Variants in C11orf65 observed in about 807,000 individuals in gnomAD.
The protein encoded by C11orf65 is protein MFI.
Under a neutral mutation model 35.3 loss-of-function variants are expected in C11orf65, and 38 were observed. The observed-to-expected ratio is 1.08, with a 90% CI of 0.83 to 1.41. The LOEUF (loss-of-function observed/expected upper bound fraction) is 1.41, where lower values mean the gene tolerates loss of function less well. C11orf65 is among the 40% of genes most tolerant of loss of function. C11orf65 has a pLI of 0.00. For synonymous variants in C11orf65, 105 were observed against 114.4 expected, an observed-to-expected ratio of 0.92 and a Z score of 0.53; for missense variants, 370 against 367.1, an observed-to-expected ratio of 1.01 and a Z score of -0.06.
At chr11:108,448,001 C>A (rs529943013) in intron 2 of C11orf65, among the ~76,000 whole-genome samples, 2,894 of 152,050 alleles carry the variant, frequency 0.019, 89 homozygotes, top group African/African-American at 0.065. Context: ...GAATACTACA[C>A]AGACCTCTAT....
At position 108,412,895 on chromosome 11, in the gene C11orf65, TAAC is replaced by T. The variant is rs2092681861; in HGVS notation, c.175-5749_175-5747del. Among the ~76,000 whole-genome samples the T allele has an allele frequency of 5.3e-5, 8 of 152,232 alleles. No individual in the cohort carries two copies. In the South Asian group the frequency reaches 1.7e-3, roughly 32 times the overall value. ...ATTACATGATGATAATGTATGTACT[TAAC>T]AACAAAGCAGCAAAATATGTGAAGC... On this transcript the variant is annotated intron_variant, in intron 3 of 8. Transcript: ENST00000393084.
At chr11:108,380,633 A>G (rs566955114), downstream of C11orf65, among the ~76,000 whole-genome samples, 21 of 152,348 alleles carry the variant, frequency 1.4e-4, no homozygotes, top group Non-Finnish European at 2.5e-4. Context: ...GATGGAAGCC[A>G]AGCGCCCAAA....
intron 2 of C11orf65, among the ~76,000 whole-genome samples, chr11:108,455,020 C>T (rs1167302364): frequency 6.6e-6 from 1 of 152,050 alleles, no homozygotes; most frequent in Non-Finnish European, 1.5e-5. Context: ...TATGAAATTC[C>T]CCTTTAGAAT....
intron 7 of C11orf65, among the ~76,000 whole-genome samples, chr11:108,388,897 G>A (rs1485052072): frequency 6.6e-6 from 1 of 152,234 alleles, no homozygotes; most frequent in Admixed American, 6.5e-5. Flanking sequence ...GTCCACTAGT[G>A]AAACTGGCTC....
At chr11:108,324,475 G>A (rs940564890) in intron 6 of C11orf65, among the ~76,000 whole-genome samples, 2 of 152,024 alleles carry the variant, frequency 1.3e-5, no homozygotes, top group African/African-American at 2.4e-5. Flanking sequence ...ATGGTCCAAC[G>A]ATCGAAAGTT....
intron 6 of C11orf65, among the ~76,000 whole-genome samples, chr11:108,310,694 T>TCTAAA (rs1454838274): frequency 2.0e-5 from 3 of 152,178 alleles, no homozygotes; most frequent in Non-Finnish European, 4.4e-5. Flanking sequence ...ACCACTAATT[T>TCTAAA]CTAAACTATT....
At chr11:108,423,550 C>G (rs141367658) in intron 3 of C11orf65, among the ~76,000 whole-genome samples, 1 of 152,138 alleles carries the variant, frequency 6.6e-6, no homozygotes, top group African/African-American at 2.4e-5. Flanking sequence ...GCACAGTGCT[C>G]GAGCTCTGCT....
chr11:108,328,917 T>C, downstream of C11orf65: 4 of 1,214,606 alleles, frequency 3.3e-6, no homozygotes, highest in Non-Finnish European at 4.7e-6. Context: ...CTAGCTTTTA[T>C]ATGTATATAA....
At chr11:108,460,232 T>A (rs759315778) in intron 2 of C11orf65, among the ~76,000 whole-genome samples, 2 of 152,184 alleles carry the variant, frequency 1.3e-5, no homozygotes, top group African/African-American at 2.4e-5. Context: ...ACAAAGGTGG[T>A]CTTGTAAGCC....
downstream of C11orf65, chr11:108,382,637 A>G (rs1204933969): frequency 3.6e-6 from 1 of 276,262 alleles, no homozygotes; most frequent in Non-Finnish European, 5.5e-6. Context: ...AACGTGGGAG[A>G]GGGGATTTAA....
chr11:108,430,723 T>C (rs2092975122), intron 3 of C11orf65, among the ~76,000 whole-genome samples: 1 of 152,000 alleles, frequency 6.6e-6, no homozygotes. Context: ...CATGCGCCTA[T>C]AGTCCCAGTT....
At position 108,343,491 on chromosome 11, in the gene C11orf65, A is replaced by T. The variant is rs1344899789; in HGVS notation, c.227-8199T>A. The T allele has an allele frequency of 2.4e-6, 3 of 1,227,098 alleles. No individual in the cohort carries two copies. In the African/African-American group the frequency reaches 4.6e-5, roughly 19 times the overall value. 76.0% of individuals were successfully genotyped at this position (1,227,098 alleles called of 1,614,324 possible). ...TAATTTCATCAGGTAATTGTCAAAGATACTAAGTAAAAGAAAAACTCATCA... is the reference window on the plus strand; with the variant it reads ...TAATTTCATCAGGTAATTGTCAAAGTTACTAAGTAAAAGAAAAACTCATCA... On this transcript the variant is annotated intron_variant, in intron 2 of 3. Transcript: ENST00000524755.
In C11orf65 at chr11:108,317,652, T is replaced by TACACACACAC. The variant is rs1181493043; in HGVS notation, c.641-8591_641-8582dup. On this transcript the variant is annotated intron_variant, in intron 6 of 6. Transcript: ENST00000525729. ...ATATATATATATATATATATATATA[T>TACACACACAC]ACACACACACACACACACACACTAT... 4.6e-4 allele frequency: 55 copies of TACACACACAC among 118,344 alleles called. 1 individual carries two copies. Among genetic ancestry groups the TACACACACAC allele is most frequent in the African/African-American group, 2.6e-3 (52 of 19,782 alleles). 7.3% of individuals were successfully genotyped at this position (118,344 alleles called of 1,614,324 possible).
chr11:108,319,277 C>T (rs1220041973), intron 6 of C11orf65, among the ~76,000 whole-genome samples: 1 of 152,126 alleles, frequency 6.6e-6, no homozygotes, highest in Non-Finnish European at 1.5e-5. Context: ...TTTTCCTGTG[C>T]GAGTTGATTC....
At chr11:108,429,442 T>C (rs1421101480) in intron 3 of C11orf65, among the ~76,000 whole-genome samples, 1 of 152,100 alleles carries the variant, frequency 6.6e-6, no homozygotes, top group South Asian at 2.1e-4. Flanking sequence ...AAAGACTCCA[T>C]TAAGAGAGTG....
At chr11:108,457,516 C>T (rs1043539087) in intron 2 of C11orf65, among the ~76,000 whole-genome samples, 5 of 151,922 alleles carry the variant, frequency 3.3e-5, no homozygotes, top group Non-Finnish European at 7.4e-5. Context: ...TGGTAGTGGG[C>T]GCCTGTAATC....
At chr11:108,336,590 CTT>C (rs1238378881) in intron 2 of C11orf65, among the ~76,000 whole-genome samples, 1 of 152,024 alleles carries the variant, frequency 6.6e-6, no homozygotes, top group African/African-American at 2.4e-5. Context: ...TGTTTTCAGT[CTT>C]TTGCTGCTAC....
chr11:108,442,566 A>C (rs2093173383), intron 2 of C11orf65, among the ~76,000 whole-genome samples: 1 of 152,238 alleles, frequency 6.6e-6, no homozygotes, highest in East Asian at 1.9e-4. Context: ...TATTAAGGGC[A>C]GCCAGAGAGA....
intron 1 of C11orf65, among the ~76,000 whole-genome samples, chr11:108,463,641 T>A (rs1343897634): frequency 2.6e-5 from 4 of 152,146 alleles, no homozygotes; most frequent in Admixed American, 6.6e-5. Context: ...AAGTTACTCA[T>A]CTGTAAAATA....
Sources: allele counts gnomAD v4.1 joint callset (sites outside exome capture counted in the v4.1 genomes callset), GRCh38; gene constraint gnomAD v4.1.1; transcripts MANE v1.5; gene names NCBI Gene and HGNC (gene_info 2026-07-23, HGNC 2026-07-21).